Variants in SYNJ2 observed in about 807,000 individuals in gnomAD.
SYNJ2 encodes the protein polyphosphatidylinositol phosphatase SYNJ2.
Under a neutral mutation model 141.3 loss-of-function variants are expected in SYNJ2, and 116 were observed. The observed-to-expected ratio is 0.82, with a 90% CI of 0.71 to 0.96. The LOEUF is 0.96. Among genes scored for constraint, SYNJ2 ranks in the 40% least tolerant of loss-of-function variants. The pLI is 0.00. For missense variants in SYNJ2, 1,873 were observed against 1,934.8 expected (o/e 0.97, Z 0.60); for synonymous variants, 745 against 777.7 (o/e 0.96, Z 0.70).
In SYNJ2 at chr6:158,084,209, G is replaced by A. The variant is rs1750036; in HGVS notation, c.3208+35G>A. ...CCCTTCTTTTCTCAGGAGCCTCAGC[G>A]ATGGAGTCAGCTCAGGACAGACTTT... On this transcript the variant is annotated intron_variant, in intron 22 of 26. Transcript: ENST00000355585. The surrounding 1 kb of genome is among the most constrained non-coding windows in gnomAD (Gnocchi z 5.0). The A allele has an allele frequency of 1.9e-6, 3 of 1,601,796 alleles. No homozygotes were observed. Among genetic ancestry groups the A allele is most frequent in the East Asian group, 2.2e-5 (1 of 44,738 alleles).
In SYNJ2 at chr6:157,986,600, C is replaced by T. The variant is rs1329107813; in HGVS notation, c.127+4512C>T. ...CCGCCCACCTCAGCCTCTCAAAGTG[C>T]TGGGGTTACAGGCAATGAGCCACCA... On this transcript the variant is annotated intron_variant, in intron 1 of 26. Transcript: ENST00000355585. Among the ~76,000 whole-genome samples the T allele has an allele frequency of 3.3e-5, 5 of 152,100 alleles. No homozygotes were observed. In the East Asian group the frequency reaches 9.7e-4, roughly 29 times the overall value.
Position 158,081,106 on chromosome 6 carries a change from C to T in SYNJ2, c.2568-3C>T. On this transcript the variant is annotated splice_region_variant and splice_polypyrimidine_tract_variant and intron_variant, in intron 18 of 26. Transcript: ENST00000355585. ...TGTCATCCCTCTTTTGTTCCTAACG[C>T]AGACCTGTGCTGGCGATCGTGGAGG... 1.2e-6 allele frequency: 2 copies of T among 1,613,646 alleles called. No homozygotes were observed. Among genetic ancestry groups the T allele is most frequent in the Non-Finnish European group, 1.7e-6 (2 of 1,179,966 alleles).
intron 1 of SYNJ2, among the ~76,000 whole-genome samples, chr6:158,009,709 G>A (rs1472171916): frequency 6.6e-6 from 1 of 152,230 alleles, no homozygotes; most frequent in African/African-American, 2.4e-5. Context: ...AGTTGCAAAT[G>A]GGCAGGCCAA....
chr6:157,981,937 C>T lies in SYNJ2; in HGVS notation c.-25C>T, dbSNP rs1191129436. Reference sequence around the variant, plus strand: ...CCCTCGGGAGGACGTGGCCCCGGCCCCCGCCCGCAGTGGGCCCGACCCTCA... The same window carrying T: ...CCCTCGGGAGGACGTGGCCCCGGCCTCCGCCCGCAGTGGGCCCGACCCTCA... On this transcript the variant is annotated 5_prime_UTR_variant, in exon 1 of 27. Transcript: ENST00000355585. This position sits in a 1 kb window ranked among gnomAD's most constrained non-coding sequence, Gnocchi z 6.4. The T allele has an allele frequency of 7.3e-6, 9 of 1,225,826 alleles. No individual in the cohort carries two copies. Among genetic ancestry groups the T allele is most frequent in the Non-Finnish European group, 8.1e-6 (8 of 983,768 alleles). The allele number at this position is 1,225,826 out of a possible 1,614,324, so 75.9% of individuals were successfully genotyped here.
At chr6:158,078,408 C>T (rs1335819551) in intron 18 of SYNJ2, 127 bp downstream of exon 18, 1 of 617,784 alleles carries the variant, frequency 1.6e-6, no homozygotes, top group Non-Finnish European at 2.9e-6. Context: ...TGTGTGCATA[C>T]AATACACCAA....
At chr6:158,087,949 A>G (rs946841210) in intron 23 of SYNJ2, among the ~76,000 whole-genome samples, 1 of 94,656 alleles carries the variant, frequency 1.1e-5, no homozygotes, top group Admixed American at 1.3e-4. Context: ...TTAATGGGTT[A>G]TATTTTCTGT....
intron 1 of SYNJ2, among the ~76,000 whole-genome samples, chr6:158,003,614 G>C (rs1183249263): frequency 2.0e-5 from 3 of 152,178 alleles, no homozygotes; most frequent in Non-Finnish European, 2.9e-5. Flanking sequence ...TTATTTTTCT[G>C]ACCTGTGGGC....
Position 158,096,592 on chromosome 6 carries a change from G to A in SYNJ2, c.*228G>A. 1 of 433,508 alleles carries A rather than the reference G, an allele frequency of 2.3e-6. No homozygotes were observed. Among genetic ancestry groups the A allele is most frequent in the Non-Finnish European group, 4.0e-6 (1 of 249,122 alleles). The allele number at this position is 433,508 out of a possible 1,614,324, so 26.9% of individuals were successfully genotyped here. A position where few individuals can be genotyped will look rare whatever the true frequency, so the allele number is the denominator to read the frequency against. ...GTACATCTGAAGTTTGCTCTTCAAG[G>A]AATGGGAACCTTCCTGTTAAATTCG... On this transcript the variant is annotated 3_prime_UTR_variant, in exon 27 of 27. Coordinates refer to ENST00000355585, the MANE Select transcript of SYNJ2 (RefSeq NM_003898.4).
intron 21 of SYNJ2, 86 bp from the exon 22 acceptor site, chr6:158,083,914 AG>A: frequency 6.8e-7 from 1 of 1,477,458 alleles, no homozygotes; most frequent in Admixed American, 1.7e-5. Context: ...GTGTCCTGAC[AG>A]GAGCTGAACC....
chr6:158,049,814 G>A (rs573157549), intron 5 of SYNJ2, among the ~76,000 whole-genome samples: 8 of 150,734 alleles, frequency 5.3e-5, no homozygotes, highest in Admixed American at 4.0e-4. Context: ...GTGGGGACAC[G>A]GCTCTGCAGG....
At chr6:158,053,102 G>A (rs552966928) in intron 5 of SYNJ2, among the ~76,000 whole-genome samples, 2 of 152,226 alleles carry the variant, frequency 1.3e-5, no homozygotes, top group East Asian at 3.9e-4. Context: ...CATTTTCCTA[G>A]TGTTTCATTA....
intron 5 of SYNJ2, among the ~76,000 whole-genome samples, chr6:158,044,353 C>A (rs542025796): frequency 5.6e-4 from 85 of 152,328 alleles, no homozygotes; most frequent in African/African-American, 2.0e-3. Flanking sequence ...GTCCCCATGG[C>A]TGTCAGCACG....
At chr6:158,004,879 G>A (rs1193166793) in intron 1 of SYNJ2, among the ~76,000 whole-genome samples, 1 of 151,296 alleles carries the variant, frequency 6.6e-6, no homozygotes, top group African/African-American at 2.4e-5. Flanking sequence ...TCTGGCGCTT[G>A]TTCTTGGTGT....
At chr6:158,073,287 T>C (rs896039589) in intron 15 of SYNJ2, among the ~76,000 whole-genome samples, 2 of 152,008 alleles carry the variant, frequency 1.3e-5, no homozygotes, top group Non-Finnish European at 2.9e-5. Context: ...AAACTCCACC[T>C]CCCAGGTTCA....
chr6:158,068,326 T>G (rs1372335357), intron 12 of SYNJ2, among the ~76,000 whole-genome samples: 7 of 152,080 alleles, frequency 4.6e-5, no homozygotes, highest in Admixed American at 4.6e-4. Context: ...TGACTGGGCT[T>G]GGTGGCTCAG....
chr6:158,050,425 G>A lies in SYNJ2; in HGVS notation c.796-4542G>A, dbSNP rs77607937. 5.8e-3 allele frequency among the ~76,000 whole-genome samples: 881 copies of A among 152,286 alleles called. 7 individuals are homozygous for A. The highest frequency in any genetic ancestry group is 0.02 in the African/African-American group (830 of 41,550). ...CATTCCCTGCTCTGGTCATTCACCC[G>A]GGGGTGGTGCTCCCGACTGACTTCT... On this transcript the variant is annotated intron_variant, in intron 5 of 26. Transcript: ENST00000355585.
intron 1 of SYNJ2, among the ~76,000 whole-genome samples, chr6:157,993,960 G>A (rs13207134): frequency 7.9e-5 from 12 of 151,024 alleles, no homozygotes; most frequent in Admixed American, 5.3e-4. Context: ...GACTACAGGC[G>A]CCCGCCACCA....
intron 1 of SYNJ2, among the ~76,000 whole-genome samples, chr6:157,985,055 C>T (rs911875748): frequency 6.6e-6 from 1 of 152,236 alleles, no homozygotes; most frequent in South Asian, 2.1e-4. Context: ...ACAGGCGCTG[C>T]CCCTTCATAG....
At chr6:158,044,530 C>T (rs1198592028) in intron 5 of SYNJ2, among the ~76,000 whole-genome samples, 6 of 152,142 alleles carry the variant, frequency 3.9e-5, no homozygotes, top group Admixed American at 1.3e-4. Context: ...TGACGGCCTC[C>T]GGAGAAACGC....
Sources: allele counts gnomAD v4.1 joint callset (sites outside exome capture counted in the v4.1 genomes callset), GRCh38; gene constraint gnomAD v4.1.1; non-coding constraint Gnocchi (gnomAD v3.1); transcripts MANE v1.5; gene names NCBI Gene and HGNC (gene_info 2026-07-23, HGNC 2026-07-21).